The following DPP6 variants were observed in gnomAD, a reference collection of about 807,000 sequenced individuals.
The protein encoded by DPP6 is A-type potassium channel modulatory protein DPP6.
In DPP6, 69 loss-of-function variants were observed where a neutral mutation model predicts 122.6. That is an observed-to-expected ratio of 0.56 (90% CI 0.46 to 0.69). The LOEUF (loss-of-function observed/expected upper bound fraction) is 0.69. Among genes scored for constraint, DPP6 ranks in the 30% least tolerant of loss-of-function variants. The pLI, the probability that DPP6 is intolerant of heterozygous loss-of-function variation, is 0.00. For missense variants in DPP6, 928 were observed against 1,116.9 expected (o/e 0.83, Z 2.41); for synonymous variants, 418 against 433.1 (o/e 0.97, Z 0.43).
the DPP6 span, among the ~76,000 whole-genome samples, chr7:153,800,782 G>A: frequency 6.6e-6 from 1 of 151,996 alleles, no homozygotes; most frequent in Non-Finnish European, 1.5e-5. Context: ...CTCCCAAAGT[G>A]CTGGGATTAC....
chr7:154,062,354 CT>C (rs1802108775), intron 1 of DPP6, among the ~76,000 whole-genome samples: 1 of 25,702 alleles, frequency 3.9e-5, no homozygotes, highest in African/African-American at 2.0e-4. Flanking sequence ...AGGGTGGGGA[CT>C]GAGAGCTATC....
intron 1 of DPP6, among the ~76,000 whole-genome samples, chr7:154,231,334 A>G (rs1240261871): frequency 1.3e-5 from 2 of 152,108 alleles, no homozygotes; most frequent in East Asian, 3.9e-4. Context: ...GGGAAATGAG[A>G]GTTCTTACAG....
chr7:154,083,857 T>A (rs1459986978), intron 1 of DPP6, among the ~76,000 whole-genome samples: 1 of 150,428 alleles, frequency 6.6e-6, no homozygotes, highest in Non-Finnish European at 1.5e-5. Context: ...ATGTTCTTCC[T>A]GAATCACAGG....
chr7:154,313,685 G>GTGTGTGTGTGTGTATATATATATATATA lies in DPP6; in HGVS notation c.244-132528_244-132527insGTGTGTGTGTGTATATATATATATATAT. 1.7e-3 allele frequency among the ~76,000 whole-genome samples: 34 copies of GTGTGTGTGTGTGTATATATATATATATA among 20,468 alleles called. 1 individual carries two copies. The highest frequency in any genetic ancestry group is 2.5e-3 in the Admixed American group (4 of 1,622). 13.4% of individuals were successfully genotyped at this position (20,468 alleles called of 152,430 possible). A position where few individuals can be genotyped will look rare whatever the true frequency, so the allele number is the denominator to read the frequency against. On this transcript the variant is annotated intron_variant, in intron 1 of 25. Coordinates refer to ENST00000377770, the MANE Select transcript of DPP6 (RefSeq NM_130797.4). ...AAGCAACAAGATATTTTAAGATATG[G>GTGTGTGTGTGTGTATATATATATATATA]TATATATATATATATATATATATAT...
At position 154,878,155 on chromosome 7, in the gene DPP6, G is replaced by A. The variant is rs542489669; in HGVS notation, c.2078+2055G>A. Among the ~76,000 whole-genome samples the A allele has an allele frequency of 9.3e-4, 142 of 152,234 alleles. 1 individual carries two copies. In the South Asian group the frequency reaches 0.027, roughly 29 times the overall value. ...AGATTTGGAAGCCCGGGGCCTCCCC[G>A]CCATCAAGGGCAGGCCCAGGGGAAA... On this transcript the variant is annotated intron_variant, in intron 20 of 25. Coordinates refer to ENST00000377770, the MANE Select transcript of DPP6 (RefSeq NM_130797.4).
At chr7:154,125,172 G>A (rs1161829074) in intron 1 of DPP6, among the ~76,000 whole-genome samples, 2 of 152,210 alleles carry the variant, frequency 1.3e-5, no homozygotes, top group Non-Finnish European at 2.9e-5. Context: ...CAGGGCACAC[G>A]AAAGGGTAAA....
chr7:154,860,191 G>A (rs112237547), intron 17 of DPP6, among the ~76,000 whole-genome samples: 1,596 of 152,200 alleles, frequency 0.01, 47 homozygotes, highest in African/African-American at 0.036. Flanking sequence ...GCGCACCCCT[G>A]CCCCACCTTC....
At chr7:153,964,974 T>TCTC (rs1795603775) in intron 1 of DPP6, among the ~76,000 whole-genome samples, 30 of 128,294 alleles carry the variant, frequency 2.3e-4, no homozygotes, top group African/African-American at 1.1e-3. Context: ...CTTTCATTTC[T>TCTC]TTTCCCTTCC....
chr7:153,837,869 G>C, the DPP6 span, among the ~76,000 whole-genome samples: 5,067 of 84,796 alleles, frequency 0.06, 361 homozygotes, highest in African/African-American at 0.21. Context: ...TTTTAGTAGA[G>C]ATGGGGTTTG....
chr7:154,633,143 A>T (rs1189077740), intron 5 of DPP6, among the ~76,000 whole-genome samples: 1 of 152,234 alleles, frequency 6.6e-6, no homozygotes, highest in Non-Finnish European at 1.5e-5. Flanking sequence ...TCTTAGAAAA[A>T]TAACTGAAAG....
At chr7:154,484,108 C>T (rs769137676) in intron 3 of DPP6, among the ~76,000 whole-genome samples, 3 of 152,220 alleles carry the variant, frequency 2.0e-5, no homozygotes, top group Non-Finnish European at 4.4e-5. Flanking sequence ...TTACTTTTAA[C>T]ATCACTAACC....
chr7:153,977,406 G>A (rs1796363972), intron 1 of DPP6, among the ~76,000 whole-genome samples: 1 of 152,168 alleles, frequency 6.6e-6, no homozygotes, highest in African/African-American at 2.4e-5. Flanking sequence ...TCAGTACTGG[G>A]CTTCAGTGGT....
chr7:154,745,987 A>C (rs1371270051), intron 8 of DPP6, among the ~76,000 whole-genome samples: 2 of 152,250 alleles, frequency 1.3e-5, no homozygotes, highest in Non-Finnish European at 2.9e-5. Context: ...ATAGCAGGGC[A>C]TATAGCATTG....
At chr7:154,882,884 G>A (rs776055987) in intron 21 of DPP6, among the ~76,000 whole-genome samples, 5 of 150,694 alleles carry the variant, frequency 3.3e-5, no homozygotes, top group African/African-American at 4.9e-5. Flanking sequence ...GGAACACACC[G>A]GAACGATCGT....
the DPP6 span, among the ~76,000 whole-genome samples, chr7:153,772,436 G>T: frequency 6.6e-6 from 1 of 152,016 alleles, no homozygotes; most frequent in African/African-American, 2.4e-5. Context: ...AATGCATATT[G>T]TAAACCTTAG....
At chr7:153,850,852 T>C in the DPP6 span, among the ~76,000 whole-genome samples, 21 of 152,162 alleles carry the variant, frequency 1.4e-4, no homozygotes, top group Admixed American at 1.4e-3. Context: ...ACATGGGGCT[T>C]ATTAGAATTC....
At chr7:154,560,133 G>A (rs1485447924) in intron 4 of DPP6, among the ~76,000 whole-genome samples, 3 of 151,924 alleles carry the variant, frequency 2.0e-5, no homozygotes, top group Non-Finnish European at 4.4e-5. Context: ...GACAGAAGGA[G>A]GTGTGCCAGG....
intron 7 of DPP6, among the ~76,000 whole-genome samples, chr7:154,706,661 TC>T (rs1174729422): frequency 3.3e-5 from 5 of 152,236 alleles, no homozygotes; most frequent in African/African-American, 1.2e-4. Flanking sequence ...CTTCTGGAGC[TC>T]CTCTGTTACA....
intron 7 of DPP6, among the ~76,000 whole-genome samples, chr7:154,686,828 T>C (rs1007450739): frequency 4.6e-5 from 7 of 152,180 alleles, no homozygotes. Flanking sequence ...TAATGAAATA[T>C]TTTATGAATA....
Sources: gnomAD v4.1 joint callset for allele counts (sites outside exome capture counted in the v4.1 genomes callset) on GRCh38, gnomAD v4.1.1 for gene constraint, MANE v1.5 for transcripts, NCBI Gene and HGNC (gene_info 2026-07-23, HGNC 2026-07-21) for gene names.